Variants in SUGCT observed in about 807,000 individuals in gnomAD.
SUGCT encodes succinyl-CoA:glutarate-CoA transferase.
Under a neutral mutation model 55.0 loss-of-function variants are expected in SUGCT, and 41 were observed. The observed-to-expected ratio is 0.74, with a 90% CI of 0.58 to 0.97. The LOEUF is 0.97. Ranked by LOEUF, SUGCT falls within the 50% of genes least tolerant of loss-of-function variation. SUGCT has a pLI of 0.00. For synonymous variants in SUGCT, 187 were observed against 200.4 expected (o/e 0.93, Z 0.56); for missense variants, 568 against 547.8 (o/e 1.04, Z -0.37).
chr7:40,971,330 C>A, the SUGCT span, among the ~76,000 whole-genome samples: 1 of 152,102 alleles, frequency 6.6e-6, no homozygotes, highest in East Asian at 1.9e-4. Flanking sequence ...CCAGGCACCA[C>A]CTCCAACAAT....
At chr7:40,203,435 G>A (rs114755813) in intron 6 of SUGCT, among the ~76,000 whole-genome samples, 2 of 152,152 alleles carry the variant, frequency 1.3e-5, no homozygotes, top group Non-Finnish European at 2.9e-5. Context: ...ATTAAGTCGA[G>A]TGAACATGAG....
At chr7:40,659,590 G>A (rs10280713) in intron 12 of SUGCT, among the ~76,000 whole-genome samples, 48,138 of 152,092 alleles carry the variant, frequency 0.32, 9,108 homozygotes, top group African/African-American at 0.54. Context: ...GTGAAAATGG[G>A]CTACACAGAT....
the SUGCT span, among the ~76,000 whole-genome samples, chr7:41,027,985 T>C: frequency 2.0e-5 from 3 of 152,130 alleles, no homozygotes; most frequent in African/African-American, 4.8e-5. Context: ...ATCTGTAAAA[T>C]GGGTAGATAT....
chr7:40,203,289 G>A (rs551417195), intron 6 of SUGCT, among the ~76,000 whole-genome samples: 7 of 152,194 alleles, frequency 4.6e-5, no homozygotes, highest in Non-Finnish European at 1.0e-4. Context: ...AGTGTTATCT[G>A]TGCTAGTGTT....
intron 12 of SUGCT, among the ~76,000 whole-genome samples, chr7:40,524,161 G>A (rs548597995): frequency 1.6e-4 from 25 of 152,112 alleles, no homozygotes; most frequent in African/African-American, 5.8e-4. Context: ...TTTGTTTTCC[G>A]AATGAGATCT....
intron 9 of SUGCT, among the ~76,000 whole-genome samples, chr7:40,408,644 T>C (rs1017247504): frequency 2.0e-5 from 3 of 152,178 alleles, no homozygotes; most frequent in Non-Finnish European, 4.4e-5. Flanking sequence ...ACAACTTCCA[T>C]TGAACCCATA....
chr7:40,162,134 G>T (rs373582631), intron 1 of SUGCT, among the ~76,000 whole-genome samples: 4 of 152,104 alleles, frequency 2.6e-5, no homozygotes, highest in African/African-American at 9.7e-5. Context: ...CTGACCTCGT[G>T]ATCCGCCCGC....
At chr7:40,510,720 G>A (rs927285643) in intron 12 of SUGCT, among the ~76,000 whole-genome samples, 1 of 151,810 alleles carries the variant, frequency 6.6e-6, no homozygotes, top group African/African-American at 2.4e-5. Context: ...TATACTTTTC[G>A]GAATAAAATA....
chr7:40,568,467 A>G (rs527528273), intron 12 of SUGCT, among the ~76,000 whole-genome samples: 2 of 152,242 alleles, frequency 1.3e-5, no homozygotes, highest in South Asian at 2.1e-4. Context: ...GAAAATGAAA[A>G]CTGTTTGAGT....
chr7:40,623,467 A>G (rs1799371369), intron 12 of SUGCT, among the ~76,000 whole-genome samples: 1 of 152,310 alleles, frequency 6.6e-6, no homozygotes, highest in African/African-American at 2.4e-5. Flanking sequence ...TCTGTATTCT[A>G]CAAGTACAAT....
intron 7 of SUGCT, among the ~76,000 whole-genome samples, chr7:40,253,549 G>A (rs546473542): frequency 1.3e-5 from 2 of 151,594 alleles, no homozygotes; most frequent in Admixed American, 1.3e-4. Flanking sequence ...TTGTTTGATC[G>A]AATGTGTAAA....
chr7:40,222,670 T>C (rs1031980360), intron 6 of SUGCT, among the ~76,000 whole-genome samples: 1 of 152,156 alleles, frequency 6.6e-6, no homozygotes, highest in Non-Finnish European at 1.5e-5. Flanking sequence ...GGCGAAACTC[T>C]ATCTTTACTA....
chr7:40,442,771 G>T (rs149242861), intron 9 of SUGCT, among the ~76,000 whole-genome samples: 1 of 151,976 alleles, frequency 6.6e-6, no homozygotes, highest in Non-Finnish European at 1.5e-5. Context: ...TGTTTACAAC[G>T]TGCAGGTTTG....
the SUGCT span, among the ~76,000 whole-genome samples, chr7:40,914,568 T>C: frequency 1.3e-5 from 2 of 152,142 alleles, no homozygotes; most frequent in Admixed American, 6.5e-5. Flanking sequence ...GAGTAGAGTA[T>C]AGTAGAGTAT....
chr7:40,900,887 T>G, the SUGCT span, among the ~76,000 whole-genome samples: 1 of 152,208 alleles, frequency 6.6e-6, no homozygotes, highest in African/African-American at 2.4e-5. Context: ...TTTTAGGTGG[T>G]TTTCAAAAGC....
At chr7:40,276,418 CTTAG>C (rs1240921345) in intron 8 of SUGCT, among the ~76,000 whole-genome samples, 1 of 152,090 alleles carries the variant, frequency 6.6e-6, no homozygotes, top group Non-Finnish European at 1.5e-5. Flanking sequence ...TAGCCCTGGG[CTTAG>C]TTAAATGTTC....
intron 12 of SUGCT, among the ~76,000 whole-genome samples, chr7:40,691,447 A>G (rs1784697883): frequency 6.6e-6 from 1 of 152,168 alleles, no homozygotes; most frequent in Non-Finnish European, 1.5e-5. Flanking sequence ...TGAAATCAGC[A>G]TGATCAATAA....
chr7:40,869,517 T>G, the SUGCT span, among the ~76,000 whole-genome samples: 1 of 152,226 alleles, frequency 6.6e-6, no homozygotes. Flanking sequence ...CCAAGCCAGC[T>G]TGATTTCAGT....
intron 13 of SUGCT, among the ~76,000 whole-genome samples, chr7:40,828,095 G>A (rs1213936480): frequency 2.6e-5 from 4 of 152,154 alleles, no homozygotes; most frequent in Non-Finnish European, 5.9e-5. Flanking sequence ...TTCGGTGAAG[G>A]CTCTGAAATA....
Sources: gnomAD v4.1 joint callset for allele counts (sites outside exome capture counted in the v4.1 genomes callset) on GRCh38, gnomAD v4.1.1 for gene constraint, MANE v1.5 for transcripts, NCBI Gene and HGNC (gene_info 2026-07-23, HGNC 2026-07-21) for gene names.